DOCK1: variants seen among roughly 807,000 people sequenced by gnomAD.
DOCK1 encodes the protein dedicator of cytokinesis protein 1.
Under a neutral mutation model 262.7 loss-of-function variants are expected in DOCK1, and 138 were observed. The observed-to-expected ratio is 0.53, with a 90% CI of 0.46 to 0.61. The LOEUF (loss-of-function observed/expected upper bound fraction) is 0.61, where lower values mean the gene tolerates loss of function less well. Among genes scored for constraint, DOCK1 ranks in the 20% least tolerant of loss-of-function variants. DOCK1 has a pLI of 0.00. For synonymous variants in DOCK1, 866 were observed against 867.4 expected (o/e 1.00, Z 0.03); for missense variants, 1,908 against 2,370.7 (o/e 0.80, Z 4.05).
chr10:127,163,798 C>T (rs1464503713), intron 27 of DOCK1, among the ~76,000 whole-genome samples: 2 of 149,456 alleles, frequency 1.3e-5, no homozygotes, highest in Admixed American at 1.3e-4. Context: ...ATAAAGCCTT[C>T]CTTTTTTTTT....
intron 38 of DOCK1, among the ~76,000 whole-genome samples, chr10:127,401,244 C>A (rs1182215509): frequency 6.6e-6 from 1 of 152,092 alleles, no homozygotes; most frequent in Non-Finnish European, 1.5e-5. Context: ...GTAATGACAC[C>A]GTCTCCCACG....
intron 27 of DOCK1, among the ~76,000 whole-genome samples, chr10:127,142,344 C>T (rs2051345066): frequency 6.6e-6 from 1 of 152,186 alleles, no homozygotes; most frequent in South Asian, 2.1e-4. Flanking sequence ...CCAGGCCTCA[C>T]TCTCCAGCAG....
intron 1 of DOCK1, among the ~76,000 whole-genome samples, chr10:126,936,981 T>G (rs1418712450): frequency 6.6e-6 from 1 of 152,162 alleles, no homozygotes. Context: ...GCAGCCACCA[T>G]TCTAGGAACG....
At chr10:127,322,904 C>T (rs1245134712) in intron 29 of DOCK1, among the ~76,000 whole-genome samples, 1 of 152,220 alleles carries the variant, frequency 6.6e-6, no homozygotes, top group African/African-American at 2.4e-5. Context: ...TAAGAATGGG[C>T]ACATCTTATT....
chr10:127,030,264 T>A (rs1379477968), intron 16 of DOCK1, among the ~76,000 whole-genome samples: 1 of 152,208 alleles, frequency 6.6e-6, no homozygotes, highest in East Asian at 1.9e-4. Flanking sequence ...GCTCTGGTCC[T>A]CTGTTTCTGT....
intron 22 of DOCK1, 56 bp downstream of exon 22, chr10:127,052,871 C>G (rs1220245437): frequency 6.4e-7 from 1 of 1,556,884 alleles, no homozygotes; most frequent in East Asian, 2.4e-5. Context: ...GGAGATCCTT[C>G]ACTTCTTTCC....
intron 22 of DOCK1, among the ~76,000 whole-genome samples, chr10:127,056,778 A>G (rs2045185092): frequency 6.6e-6 from 1 of 152,178 alleles, no homozygotes; most frequent in African/African-American, 2.4e-5. Flanking sequence ...AGAGAAGGAC[A>G]TAACGTTCTT....
chr10:127,135,115 TCTTCTGAGGTTAAGAATTAAAC>T (rs2050579197), intron 27 of DOCK1, among the ~76,000 whole-genome samples: 1 of 152,188 alleles, frequency 6.6e-6, no homozygotes, highest in African/African-American at 2.4e-5. Flanking sequence ...TTTAGCCATT[TCTTCTGAGGTTAAGAATTAAAC>T]CTCATATACC....
chr10:127,041,632 TCAAA>T (rs370159124), intron 19 of DOCK1, among the ~76,000 whole-genome samples: 28 of 152,358 alleles, frequency 1.8e-4, no homozygotes, highest in African/African-American at 5.0e-4. Context: ...TGAGGAATTG[TCAAA>T]CAGTTTTTCA....
At chr10:126,975,074 T>C (rs1351764950) in intron 2 of DOCK1, among the ~76,000 whole-genome samples, 1 of 152,032 alleles carries the variant, frequency 6.6e-6, no homozygotes, top group Non-Finnish European at 1.5e-5. Context: ...CTCGTGCTGT[T>C]TGGTGTGCAT....
intron 32 of DOCK1, among the ~76,000 whole-genome samples, chr10:127,359,804 C>G (rs1002490490): frequency 6.6e-6 from 1 of 152,018 alleles, no homozygotes; most frequent in South Asian, 2.1e-4. Context: ...TTTAATGATT[C>G]TCTTTACAGA....
chr10:127,378,710 G>A (rs1404992547), intron 35 of DOCK1, among the ~76,000 whole-genome samples: 5 of 152,316 alleles, frequency 3.3e-5, no homozygotes, highest in Middle Eastern at 3.4e-3. Context: ...AAAAGGGGAT[G>A]GTGTGAAACC....
intron 25 of DOCK1, among the ~76,000 whole-genome samples, chr10:127,115,501 T>C (rs1329984123): frequency 1.3e-5 from 2 of 152,234 alleles, no homozygotes; most frequent in African/African-American, 4.8e-5. Flanking sequence ...AGTCAAAGCT[T>C]CATCATTTGT....
At chr10:126,975,387 G>T (rs2038446050) in intron 2 of DOCK1, among the ~76,000 whole-genome samples, 1 of 152,142 alleles carries the variant, frequency 6.6e-6, no homozygotes, top group South Asian at 2.1e-4. Context: ...CTTGGGTGTG[G>T]AGATGTAGAC....
chr10:127,444,234 C>A lies in DOCK1; in HGVS notation c.5368C>A (p.Pro1790Thr), dbSNP rs763264898. 5 of 1,612,220 alleles carry A rather than the reference C, an allele frequency of 3.1e-6. No homozygotes were observed. In the South Asian group the frequency reaches 5.5e-5, roughly 18 times the overall value. Residue 1790 changes from proline (P) to threonine (T), a missense_variant, in exon 50 of 52, where the codon CCT becomes ACT. By Grantham distance (38) the Pro-to-Thr change is conservative. This residue lies in a region of DOCK1 where 383 missense variants were observed against 420.1 expected (regional missense o/e 0.91). Coordinates refer to ENST00000623213, the MANE Select transcript of DOCK1 (RefSeq NM_001290223.2). ...PSSPSSQQTP[P>T]PVTPRAKLSF... ...GTCACCGTCCTCCCAGCAAACACCC[C>A]CTCCAGTTACACCAAGGGCCAAGCT...
rs116527273 is a variant in DOCK1 at position 127,260,582 on chromosome 10, T to C, written c.3044+3153T>C. On this transcript the variant is annotated intron_variant, in intron 29 of 51. Coordinates refer to ENST00000623213, the MANE Select transcript of DOCK1 (RefSeq NM_001290223.2). ...GAGAAGTGATGTGTGCCTGTGTGTG[T>C]ACCCATGCTCATCTGTGTGTGTACC... Among the ~76,000 whole-genome samples the C allele has an allele frequency of 5.6e-3, 851 of 152,312 alleles. 9 individuals are homozygous for C. Among genetic ancestry groups the C allele is most frequent in the African/African-American group, 0.018 (761 of 41,562 alleles).
chr10:127,341,113 A>G (rs1004269620), intron 30 of DOCK1, among the ~76,000 whole-genome samples: 1 of 152,110 alleles, frequency 6.6e-6, no homozygotes, highest in African/African-American at 2.4e-5. Context: ...TTTATCTTTC[A>G]GGTGTTTAAT....
chr10:127,024,402 C>T (rs1188892965), intron 14 of DOCK1, among the ~76,000 whole-genome samples: 5 of 152,120 alleles, frequency 3.3e-5, no homozygotes. Flanking sequence ...TCCTGCAGAT[C>T]CTAATGTTAA....
chr10:127,234,110 C>G (rs2058956659), intron 27 of DOCK1, among the ~76,000 whole-genome samples: 1 of 152,064 alleles, frequency 6.6e-6, no homozygotes, highest in Non-Finnish European at 1.5e-5. Flanking sequence ...TAAAAGCGTG[C>G]CCATTAAAAT....
Sources: allele counts gnomAD v4.1 joint callset (sites outside exome capture counted in the v4.1 genomes callset), GRCh38; gene constraint gnomAD v4.1.1; regional missense constraint gnomAD v4.1.1; transcripts MANE v1.5; gene names NCBI Gene and HGNC (gene_info 2026-07-23, HGNC 2026-07-21).